AUNIP: variants seen among roughly 807,000 people sequenced by gnomAD.
AUNIP encodes aurora kinase A and ninein interacting protein, also known as aurora kinase A- and ninein-interacting protein.
A neutral mutation model predicts 12.2 loss-of-function variants in AUNIP; 16 were observed. That is an observed-to-expected ratio of 1.31 (90% CI 0.88 to 1.99). The LOEUF is 1.99. Among genes scored for constraint, AUNIP ranks in the 30% most tolerant of loss-of-function variants. The probability of loss-of-function intolerance (pLI) is 0.00; values close to 1 mark genes in which losing one functional copy is unlikely to be tolerated. For synonymous variants in AUNIP, 142 were observed against 154.8 expected (o/e 0.92, Z 0.61); for missense variants, 411 against 419.1 (o/e 0.98, Z 0.17).
At chr1:25,848,483 C>CAAAAAA (rs761716480) in intron 1 of AUNIP, among the ~76,000 whole-genome samples, 8 of 62,456 alleles carry the variant, frequency 1.3e-4, no homozygotes, top group Non-Finnish European at 1.3e-4. Flanking sequence ...AACTCCGTCT[C>CAAAAAA]AAAAAAAAAA....
chr1:25,839,827 T>G (rs1191880841), intron 1 of AUNIP, among the ~76,000 whole-genome samples: 3 of 152,114 alleles, frequency 2.0e-5, no homozygotes, highest in Admixed American at 2.0e-4. Context: ...CCACCATGCC[T>G]GGCTAATTTT....
At chr1:25,832,320 CTG>C, downstream of AUNIP, 1 of 798,190 alleles carries the variant, frequency 1.3e-6, no homozygotes, top group Non-Finnish European at 2.0e-6. Flanking sequence ...TTCCTTGCCC[CTG>C]TGTGAAAATA....
intron 1 of AUNIP, among the ~76,000 whole-genome samples, chr1:25,856,939 C>T (rs933861208): frequency 4.7e-5 from 7 of 149,944 alleles, no homozygotes; most frequent in African/African-American, 1.7e-4. Context: ...GAAACCCCGT[C>T]TCTACAAAAA....
intron 1 of AUNIP, among the ~76,000 whole-genome samples, chr1:25,844,031 T>A (rs1371593937): frequency 6.6e-6 from 1 of 152,138 alleles, no homozygotes; most frequent in Non-Finnish European, 1.5e-5. Context: ...GTGGGTAAAA[T>A]GCTATCAAAC....
At chr1:25,849,323 T>C (rs1271518554) in intron 1 of AUNIP, among the ~76,000 whole-genome samples, 1 of 152,224 alleles carries the variant, frequency 6.6e-6, no homozygotes, top group Non-Finnish European at 1.5e-5. Flanking sequence ...TTTAGTATAC[T>C]TATGAAGTTG....
downstream of AUNIP, among the ~76,000 whole-genome samples, chr1:25,833,597 T>C (rs1029531074): frequency 2.6e-5 from 4 of 151,904 alleles, no homozygotes; most frequent in African/African-American, 4.8e-5. Flanking sequence ...CAAAATATTT[T>C]AAAAATAATT....
rs1317875599 is a variant in AUNIP, at chr1:25,859,431, C to T, written c.-74G>A. Reference sequence around the variant, plus strand: ...GCCTCAGGGAACGCCAGAACCGCGGCCGCCGACGTTCGGATCTCGCGCCAA... The same window carrying T: ...GCCTCAGGGAACGCCAGAACCGCGGTCGCCGACGTTCGGATCTCGCGCCAA... On this transcript the variant is annotated 5_prime_UTR_variant, in exon 1 of 3. Coordinates refer to ENST00000374298, the MANE Select transcript of AUNIP (RefSeq NM_024037.3). 7.4e-7 allele frequency: 1 copy of T among 1,349,616 alleles called. No homozygotes were observed. The highest frequency in any genetic ancestry group is 9.7e-7 in the Non-Finnish European group (1 of 1,034,288). The allele number at this position is 1,349,616 out of a possible 1,614,324, so 83.6% of individuals were successfully genotyped here. A position where few individuals can be genotyped will look rare whatever the true frequency, so the allele number is the denominator to read the frequency against.
chr1:25,855,546 C>A (rs1312936333), intron 1 of AUNIP, among the ~76,000 whole-genome samples: 1 of 152,012 alleles, frequency 6.6e-6, no homozygotes, highest in African/African-American at 2.4e-5. Flanking sequence ...GCCTAAGTAA[C>A]GAGGCCAAAT....
chr1:25,839,958 G>A (rs370287301), intron 1 of AUNIP, among the ~76,000 whole-genome samples: 5 of 152,162 alleles, frequency 3.3e-5, no homozygotes, highest in African/African-American at 4.8e-5. Context: ...GACCCACCAC[G>A]CCTGGCCAAT....
intron 1 of AUNIP, among the ~76,000 whole-genome samples, chr1:25,851,569 T>C (rs2048424337): frequency 6.6e-6 from 1 of 152,222 alleles, no homozygotes; most frequent in African/African-American, 2.4e-5. Flanking sequence ...ACCAAAGGAA[T>C]TGAACTGAAA....
At chr1:25,846,096 A>G (rs2048381300) in intron 1 of AUNIP, among the ~76,000 whole-genome samples, 1 of 152,208 alleles carries the variant, frequency 6.6e-6, no homozygotes, top group South Asian at 2.1e-4. Flanking sequence ...TGATATGTCT[A>G]CATCCACTGG....
chr1:25,839,366 A>G (rs1196651218), intron 1 of AUNIP, among the ~76,000 whole-genome samples: 1 of 152,208 alleles, frequency 6.6e-6, no homozygotes, highest in Non-Finnish European at 1.5e-5. Flanking sequence ...TAACCTACAC[A>G]TGTATTAGGT....
Position 25,859,443 on chromosome 1 carries a change from G to A in AUNIP, c.-86C>T, listed in dbSNP as rs1328390591. 7.9e-7 allele frequency: 1 copy of A among 1,264,586 alleles called. No individual in the cohort carries two copies. The highest frequency in any genetic ancestry group is 1.6e-5 in the South Asian group (1 of 62,950). 78.3% of individuals were successfully genotyped at this position (1,264,586 alleles called of 1,614,324 possible). ...GCCAGAACCGCGGCCGCCGACGTTC[G>A]GATCTCGCGCCAACGCTGGGGGCGG... On this transcript the variant is annotated 5_prime_UTR_variant, in exon 1 of 3. Transcript: ENST00000374298.
At position 25,835,450 on chromosome 1, in the gene AUNIP, T is replaced by G; in HGVS notation, c.617A>C (p.Lys206Thr). 6.2e-7 allele frequency: 1 copy of G among 1,614,276 alleles called. No homozygotes were observed. The highest frequency in any genetic ancestry group is 8.5e-7 in the Non-Finnish European group (1 of 1,180,052). ...RKWEWLHESK[K>T]NYQSMEKHTK... ...GTGTTTCTCCATACTCTGATAGTTC[T>G]TCTTAGACTCATGAAGCCATTCCCA... is the stretch of plus-strand genomic sequence containing the variant. The change falls in exon 3 of 3, where the codon AAG (lysine) becomes ACG (threonine). Residue 206 changes from lysine to threonine, a missense_variant. Physicochemically the swap from Lys to Thr is moderately conservative, Grantham distance 78 (BLOSUM62 -1). Coordinates refer to ENST00000374298, the MANE Select transcript of AUNIP (RefSeq NM_024037.3).
At chr1:25,838,095 A>AG (rs1476855369) in intron 1 of AUNIP, among the ~76,000 whole-genome samples, 1 of 151,724 alleles carries the variant, frequency 6.6e-6, no homozygotes, top group African/African-American at 2.4e-5. Flanking sequence ...AAAAAAAAAA[A>AG]AAAATCAGTC....
intron 1 of AUNIP, among the ~76,000 whole-genome samples, chr1:25,843,848 G>A (rs572619550): frequency 9.0e-4 from 130 of 143,762 alleles, no homozygotes; most frequent in African/African-American, 3.4e-3. Flanking sequence ...GAGAAATTGC[G>A]TCTAATAGAT....
chr1:25,856,679 AAACAACAAC>A (rs148693659), intron 1 of AUNIP, among the ~76,000 whole-genome samples: 12 of 151,934 alleles, frequency 7.9e-5, no homozygotes, highest in Admixed American at 2.6e-4. Context: ...CCATTTCGGA[AAACAACAAC>A]AACAACAACA....
At chr1:25,833,122 T>C (rs2048268406), downstream of AUNIP, among the ~76,000 whole-genome samples, 1 of 152,088 alleles carries the variant, frequency 6.6e-6, no homozygotes, top group African/African-American at 2.4e-5. Flanking sequence ...CTATACTCTT[T>C]TTCTTTTTTT....
At chr1:25,842,718 A>G (rs2048354705) in intron 1 of AUNIP, among the ~76,000 whole-genome samples, 1 of 152,190 alleles carries the variant, frequency 6.6e-6, no homozygotes, top group African/African-American at 2.4e-5. Flanking sequence ...CTCACCTAAT[A>G]TTCTGAAAAT....
Sources: gnomAD v4.1 joint callset for allele counts (sites outside exome capture counted in the v4.1 genomes callset) on GRCh38, gnomAD v4.1.1 for gene constraint, MANE v1.5 for transcripts, NCBI Gene and HGNC (gene_info 2026-07-23, HGNC 2026-07-21) for gene names.